The following RCC1 variants were observed in gnomAD, a reference collection of about 807,000 sequenced individuals.
RCC1 encodes the protein regulator of chromosome condensation.
RCC1 carries 11 observed loss-of-function variants against 44.4 expected under a neutral mutation model. The observed-to-expected ratio is 0.25, with a 90% CI of 0.16 to 0.41. The LOEUF is 0.41. RCC1 is among the 10% of genes least tolerant of loss of function. RCC1 has a pLI of 1.00. For synonymous variants in RCC1, 213 were observed against 216.5 expected (o/e 0.98, Z 0.14); for missense variants, 386 against 547.1 (o/e 0.71, Z 2.94).
rs1664685331 is a variant in RCC1 at position 28,538,332 on chromosome 1, C to T, written c.*325C>T. 5.3e-6 allele frequency: 1 copy of T among 187,524 alleles called. No individual in the cohort carries two copies. Among genetic ancestry groups the T allele is most frequent in the Non-Finnish European group, 1.1e-5 (1 of 91,056 alleles). The allele number at this position is 187,524 out of a possible 1,614,324, so 11.6% of individuals were successfully genotyped here. On this transcript the variant is annotated 3_prime_UTR_variant, in exon 13 of 13. Transcript: ENST00000683442. ...GGCCCTGGCTTTGCCTACTAGAAAACCAAAACTTCCCCCCTGGGGTTTTGT... is the reference window on the plus strand; with the variant it reads ...GGCCCTGGCTTTGCCTACTAGAAAATCAAAACTTCCCCCCTGGGGTTTTGT...
At chr1:28,511,368 A>G (rs2853735) in intron 3 of RCC1, among the ~76,000 whole-genome samples, 92,380 of 151,550 alleles carry the variant, frequency 0.61, 29,701 homozygotes, top group African/African-American at 0.78. Flanking sequence ...GACTTCTCAG[A>G]AACCAAGGAT....
At chr1:28,514,154 C>G (rs988514470) in intron 3 of RCC1, among the ~76,000 whole-genome samples, 2 of 149,340 alleles carry the variant, frequency 1.3e-5, no homozygotes, top group African/African-American at 4.9e-5. Flanking sequence ...AAGACTCCGT[C>G]TCAAAAAAAA....
At chr1:28,514,414 C>T (rs909087764) in intron 3 of RCC1, among the ~76,000 whole-genome samples, 20 of 150,486 alleles carry the variant, frequency 1.3e-4, no homozygotes, top group Non-Finnish European at 2.1e-4. Context: ...CGCGCCACTG[C>T]ACTCCAGCCT....
In RCC1 at chr1:28,537,857, C is replaced by T. The variant is rs376534514; in HGVS notation, c.1116C>T (p.Gly372=). 4 of 1,612,868 alleles carry T rather than the reference C, an allele frequency of 2.5e-6. No individual in the cohort carries two copies. The African/African-American group carries it at 5.3e-5, about 22-fold the overall frequency. Residue 372 remains glycine, a synonymous_variant, in exon 13 of 13, where the codon GGC becomes GGT. Coordinates refer to ENST00000683442, the MANE Select transcript of RCC1 (RefSeq NM_001381865.2). ...GTCGTGTTTTCGCCTGGGGCATGGG[C>T]ACCAACTACCAGCTGGGCACAGGGC... ...KDGRVFAWGM[G]TNYQLGTGQD...
intron 4 of RCC1, chr1:28,526,454 A>G: frequency 1.9e-6 from 1 of 523,538 alleles, no homozygotes; most frequent in South Asian, 2.2e-5. Flanking sequence ...TGTGGCCCAA[A>G]GCACCATTCT....
chr1:28,524,370 C>G (rs1490287771), intron 4 of RCC1, among the ~76,000 whole-genome samples: 2 of 152,182 alleles, frequency 1.3e-5, no homozygotes, highest in African/African-American at 4.8e-5. Flanking sequence ...CTTGGGCAGG[C>G]CTGCCAAGAA....
At chr1:28,532,426 T>G (rs533773111) in intron 7 of RCC1, 76 bp downstream of exon 7, 2 of 1,493,876 alleles carry the variant, frequency 1.3e-6, no homozygotes, top group Non-Finnish European at 1.8e-6. Flanking sequence ...ATAATCCACT[T>G]CCATGCCCCC....
chr1:28,508,247 C>A (rs1042920011), intron 2 of RCC1, 87 bp downstream of exon 2: 1 of 388,366 alleles, frequency 2.6e-6, no homozygotes, highest in Non-Finnish European at 5.3e-6. Flanking sequence ...GACTTTTATT[C>A]TAGTTGGTCA....
intron 3 of RCC1, among the ~76,000 whole-genome samples, chr1:28,514,617 C>T (rs367701938): frequency 2.0e-5 from 3 of 151,916 alleles, no homozygotes; most frequent in Admixed American, 6.6e-5. Context: ...CAAAATTAGC[C>T]GGGCATGGTG....
chr1:28,534,976 C>A, intron 7 of RCC1, 74 bp from the exon 8 acceptor site: 1 of 1,144,804 alleles, frequency 8.7e-7, no homozygotes, highest in Non-Finnish European at 1.3e-6. Flanking sequence ...CCATCTGGTG[C>A]CACTGCCCTT....
chr1:28,532,622 C>T, intron 7 of RCC1: 1 of 521,132 alleles, frequency 1.9e-6, no homozygotes, highest in East Asian at 4.2e-5. Flanking sequence ...ATCCAGGAGG[C>T]CTGCTGTCTT....
rs1466601648 is a variant in RCC1 at position 28,508,823 on chromosome 1, C to A, written c.-228-7C>A. 2 of 517,200 alleles carry A rather than the reference C, an allele frequency of 3.9e-6. No individual in the cohort carries two copies. The highest frequency in any genetic ancestry group is 7.7e-6 in the Non-Finnish European group (2 of 259,138). The allele number at this position is 517,200 out of a possible 1,614,324, so 32.0% of individuals were successfully genotyped here. On this transcript the variant is annotated splice_polypyrimidine_tract_variant and splice_region_variant and intron_variant, in intron 2 of 12. Coordinates refer to ENST00000683442, the MANE Select transcript of RCC1 (RefSeq NM_001381865.2). ...CAGGAGTCTAATCATTATTTCTTTT[C>A]TTTTAGGAGAGAAGACGATCTGCAC...
chr1:28,509,649 T>G (rs1662350238), intron 3 of RCC1: 1 of 152,248 alleles, frequency 6.6e-6, no homozygotes, highest in African/African-American at 2.4e-5. Context: ...TGTGGTTCAT[T>G]TTTGTGGAGG....
chr1:28,509,735 G>A (rs1662356040), intron 3 of RCC1: 1 of 152,130 alleles, frequency 6.6e-6, no homozygotes, highest in Admixed American at 6.6e-5. Context: ...AGTTCTAAAG[G>A]CCCTGAAACC....
intron 1 of RCC1, chr1:28,507,144 C>T (rs936547439): frequency 7.3e-6 from 2 of 275,496 alleles, no homozygotes; most frequent in Non-Finnish European, 1.5e-5. Context: ...TAATTGTTGT[C>T]TTTGCTTCTG....
At position 28,533,845 on chromosome 1, in the gene RCC1, C is replaced by CTTTTTTTTTT. The variant is rs1168443435; in HGVS notation, c.442-1164_442-1155dup. On this transcript the variant is annotated intron_variant, in intron 7 of 12. Coordinates refer to ENST00000683442, the MANE Select transcript of RCC1 (RefSeq NM_001381865.2). The stretch of plus-strand genomic sequence containing the variant: ...ATATTTTTTTCTTTTCTTTTCTTTT[C>CTTTTTTTTTT]TTTTTTTTTTTTTTTTTTTTTTTTT... Among the ~76,000 whole-genome samples, 40 of 46,870 alleles carry CTTTTTTTTTT rather than the reference C, an allele frequency of 8.5e-4. 9 individuals are homozygous for CTTTTTTTTTT. Among genetic ancestry groups the CTTTTTTTTTT allele is most frequent in the East Asian group, 2.3e-3 (2 of 872 alleles). 30.7% of individuals were successfully genotyped at this position (46,870 alleles called of 152,430 possible).
chr1:28,512,645 T>A (rs1662634917), intron 3 of RCC1, among the ~76,000 whole-genome samples: 1 of 152,206 alleles, frequency 6.6e-6, no homozygotes, highest in Non-Finnish European at 1.5e-5. Context: ...GCTATAAATT[T>A]CCTCCAGATA....
intron 4 of RCC1, among the ~76,000 whole-genome samples, chr1:28,525,370 T>G (rs538886547): frequency 6.6e-6 from 1 of 152,268 alleles, no homozygotes; most frequent in Admixed American, 6.5e-5. Flanking sequence ...TGAGGGGTGG[T>G]CTCCTCCCTT....
chr1:28,526,955 C>G, intron 4 of RCC1: 2 of 867,134 alleles, frequency 2.3e-6, no homozygotes, highest in Non-Finnish European at 3.9e-6. Context: ...CAAATATTTC[C>G]CCTCAAAGTC....
Sources: gnomAD v4.1 joint callset for allele counts (sites outside exome capture counted in the v4.1 genomes callset) on GRCh38, gnomAD v4.1.1 for gene constraint, MANE v1.5 for transcripts, NCBI Gene and HGNC (gene_info 2026-07-23, HGNC 2026-07-21) for gene names.